Variants in LRRC7 observed in about 807,000 individuals in gnomAD.
LRRC7 encodes leucine rich repeat containing 7.
In LRRC7, 23 loss-of-function variants were observed where a neutral mutation model predicts 175.7. The ratio of observed to expected loss-of-function variants is 0.13; its 90% CI spans 0.09 to 0.19. The LOEUF (loss-of-function observed/expected upper bound fraction) is 0.19, where lower values mean the gene tolerates loss of function less well. LRRC7 is among the 10% of genes least tolerant of loss of function. The pLI, the probability that LRRC7 is intolerant of heterozygous loss-of-function variation, is 1.00. For missense variants in LRRC7, 1,354 were observed against 1,904.7 expected (o/e 0.71, Z 5.38); for synonymous variants, 685 against 680.9 (o/e 1.01, Z -0.09).
intron 8 of LRRC7, among the ~76,000 whole-genome samples, chr1:69,955,495 A>G (rs1650397975): frequency 6.6e-6 from 1 of 151,996 alleles, no homozygotes; most frequent in African/African-American, 2.4e-5. Flanking sequence ...AGAGGAAGTC[A>G]CAAAAATGGG....
chr1:69,882,605 T>C (rs920316564), intron 7 of LRRC7, among the ~76,000 whole-genome samples: 1 of 151,050 alleles, frequency 6.6e-6, no homozygotes, highest in African/African-American at 2.4e-5. Flanking sequence ...CTAGAGGACA[T>C]TTTTCTTTTT....
At chr1:70,000,990 G>T (rs752507838) in intron 11 of LRRC7, among the ~76,000 whole-genome samples, 3 of 152,044 alleles carry the variant, frequency 2.0e-5, no homozygotes, top group African/African-American at 7.2e-5. Context: ...TCCCTGTTCC[G>T]ACTGTTTCTT....
intron 2 of LRRC7, among the ~76,000 whole-genome samples, chr1:69,743,552 A>G (rs1386643699): frequency 1.3e-5 from 2 of 151,992 alleles, no homozygotes; most frequent in Admixed American, 6.6e-5. Flanking sequence ...CCAACATTCC[A>G]GCATTGTTAA....
chr1:69,721,548 C>T (rs1437845787), intron 2 of LRRC7, among the ~76,000 whole-genome samples: 1 of 151,840 alleles, frequency 6.6e-6, no homozygotes, highest in Non-Finnish European at 1.5e-5. Flanking sequence ...TAGCTAATTT[C>T]TCTTTAGCAC....
At chr1:69,884,586 T>C (rs953280282) in intron 7 of LRRC7, among the ~76,000 whole-genome samples, 2 of 138,534 alleles carry the variant, frequency 1.4e-5, no homozygotes, top group African/African-American at 6.0e-5. Context: ...CTTCCTCTTT[T>C]CCTAATTGAA....
At chr1:69,876,716 G>T (rs779725980) in intron 7 of LRRC7, among the ~76,000 whole-genome samples, 15 of 152,092 alleles carry the variant, frequency 9.9e-5, no homozygotes, top group Non-Finnish European at 2.2e-4. Flanking sequence ...AAATTTTAGA[G>T]AAATGCAAAT....
chr1:70,125,608 C>T lies in LRRC7; in HGVS notation c.*3721C>T, dbSNP rs577178791. Among the ~76,000 whole-genome samples the T allele has an allele frequency of 7.3e-5, 11 of 151,650 alleles. No individual in the cohort carries two copies. In the East Asian group the frequency reaches 7.8e-4, roughly 11 times the overall value. ...GAGATCGAGACCATCCCAGCTAAAA[C>T]GGTGAAACCCCGTCTCTACTAAAAA... On this transcript the variant is annotated 3_prime_UTR_variant, in exon 27 of 27. Coordinates refer to ENST00000651989, the MANE Select transcript of LRRC7 (RefSeq NM_001370785.2).
intron 7 of LRRC7, among the ~76,000 whole-genome samples, chr1:69,897,270 T>C (rs1646006010): frequency 6.6e-6 from 1 of 152,204 alleles, no homozygotes; most frequent in Non-Finnish European, 1.5e-5. Context: ...CTTTTATGTG[T>C]ATATATGCTA....
At chr1:70,086,971 C>T (rs1663662011) in intron 24 of LRRC7, among the ~76,000 whole-genome samples, 1 of 152,258 alleles carries the variant, frequency 6.6e-6, no homozygotes, top group African/African-American at 2.4e-5. Flanking sequence ...AATACTCTCT[C>T]TGACATGCTT....
intron 8 of LRRC7, among the ~76,000 whole-genome samples, chr1:69,938,696 C>A (rs539037504): frequency 1.3e-5 from 2 of 151,900 alleles, no homozygotes; most frequent in East Asian, 3.9e-4. Context: ...GTCTCACCTC[C>A]CTAGTTCACC....
intron 1 of LRRC7, among the ~76,000 whole-genome samples, chr1:69,592,751 C>T (rs2100964171): frequency 6.6e-6 from 1 of 152,120 alleles, no homozygotes; most frequent in South Asian, 2.1e-4. Flanking sequence ...ATGCCTGACA[C>T]ATACAAGTAC....
chr1:69,937,584 T>A (rs17131088), intron 8 of LRRC7, among the ~76,000 whole-genome samples: 6,456 of 152,160 alleles, frequency 0.042, 206 homozygotes, highest in East Asian at 0.15. Flanking sequence ...TACTCATTAG[T>A]GAGATTTGTA....
At chr1:69,914,012 C>T (rs1376986982) in intron 7 of LRRC7, among the ~76,000 whole-genome samples, 1 of 152,104 alleles carries the variant, frequency 6.6e-6, no homozygotes, top group East Asian at 1.9e-4. Context: ...AAACACAGGA[C>T]ACAGACTAAG....
chr1:69,872,880 A>G (rs1480427070), intron 7 of LRRC7, among the ~76,000 whole-genome samples: 1 of 152,194 alleles, frequency 6.6e-6, no homozygotes, highest in Non-Finnish European at 1.5e-5. Flanking sequence ...TTCTCATATG[A>G]GATCTTTTTC....
chr1:69,872,427 A>G (rs1439186467), intron 7 of LRRC7, among the ~76,000 whole-genome samples: 1 of 152,040 alleles, frequency 6.6e-6, no homozygotes, highest in Non-Finnish European at 1.5e-5. Context: ...CAGTATATCA[A>G]ATATAATGGA....
At position 69,923,033 on chromosome 1, in the gene LRRC7, G is replaced by A. The variant is rs548867636; in HGVS notation, c.648-8474G>A. On this transcript the variant is annotated intron_variant, in intron 7 of 26. Coordinates refer to ENST00000651989, the MANE Select transcript of LRRC7 (RefSeq NM_001370785.2). ...CTTCCTGTGTCCATGTGCTCTCATT[G>A]TTCACTTCCCACCTATGAGTGAGAA... Among the ~76,000 whole-genome samples, 64 of 151,570 alleles carry A rather than the reference G, an allele frequency of 4.2e-4. 1 individual carries two copies. The highest frequency in any genetic ancestry group is 1.6e-4 in the Non-Finnish European group (11 of 67,982).
chr1:69,933,458 A>C (rs1647597346), intron 8 of LRRC7, among the ~76,000 whole-genome samples: 1 of 152,210 alleles, frequency 6.6e-6, no homozygotes, highest in Admixed American at 6.5e-5. Flanking sequence ...ATAAGTTGTT[A>C]AAGACCTAAG....
chr1:70,061,509 C>CAGTA (rs1398225072), intron 23 of LRRC7, among the ~76,000 whole-genome samples: 8 of 152,208 alleles, frequency 5.3e-5, no homozygotes. Flanking sequence ...CATTCACTGT[C>CAGTA]AGTAAGCTCT....
At chr1:70,033,413 G>A (rs1658976352) in intron 18 of LRRC7, among the ~76,000 whole-genome samples, 1 of 152,140 alleles carries the variant, frequency 6.6e-6, no homozygotes, top group Non-Finnish European at 1.5e-5. Flanking sequence ...TCAGTGCCAT[G>A]TAATTTATGG....
Sources: allele counts gnomAD v4.1 joint callset (sites outside exome capture counted in the v4.1 genomes callset), GRCh38; gene constraint gnomAD v4.1.1; transcripts MANE v1.5; gene names NCBI Gene and HGNC (gene_info 2026-07-23, HGNC 2026-07-21).